PRKCA: variants seen among roughly 807,000 people sequenced by gnomAD.
PRKCA encodes the protein protein kinase C alpha.
In PRKCA, 27 loss-of-function variants were observed where a neutral mutation model predicts 87.0. The ratio of observed to expected loss-of-function variants is 0.31; its 90% confidence interval spans 0.23 to 0.43. The LOEUF (loss-of-function observed/expected upper bound fraction) is 0.43, where lower values mean the gene tolerates loss of function less well. Ranked by LOEUF, PRKCA falls within the 20% of genes least tolerant of loss-of-function variation. PRKCA has a pLI of 1.00. For synonymous variants in PRKCA, 329 were observed against 311.1 expected, an observed-to-expected ratio of 1.06 and a Z score of -0.61; for missense variants, 518 against 852.3, an observed-to-expected ratio of 0.61 and a Z score of 4.88.
chr17:66,643,807 ATCC>A (rs1240762374), intron 4 of PRKCA, among the ~76,000 whole-genome samples: 38 of 152,116 alleles, frequency 2.5e-4, no homozygotes, highest in Non-Finnish European at 2.9e-5. Context: ...TGCAATTGCA[ATCC>A]TAGATAGAGT....
At chr17:66,653,965 C>G (rs1971661515) in intron 5 of PRKCA, among the ~76,000 whole-genome samples, 1 of 152,182 alleles carries the variant, frequency 6.6e-6, no homozygotes, top group Admixed American at 6.5e-5. Flanking sequence ...TTTCATGAAT[C>G]CACTAACATC....
At chr17:66,534,930 G>A (rs1598747883) in intron 3 of PRKCA, among the ~76,000 whole-genome samples, 1 of 152,066 alleles carries the variant, frequency 6.6e-6, no homozygotes, top group Non-Finnish European at 1.5e-5. Context: ...ATTTCAATGG[G>A]ATTAGAGTAT....
intron 16 of PRKCA, among the ~76,000 whole-genome samples, chr17:66,800,402 C>A (rs889935019): frequency 8.5e-5 from 13 of 152,170 alleles, no homozygotes; most frequent in Non-Finnish European, 1.8e-4. Context: ...AGCACGAGCC[C>A]TTAACCAGGA....
intron 3 of PRKCA, among the ~76,000 whole-genome samples, chr17:66,540,253 G>C (rs376352087): frequency 6.6e-6 from 1 of 152,218 alleles, no homozygotes; most frequent in Non-Finnish European, 1.5e-5. Flanking sequence ...CTTTCCAGCC[G>C]TCAGAGCCAG....
chr17:66,517,052 G>A (rs1269878197), intron 3 of PRKCA, among the ~76,000 whole-genome samples: 2 of 152,156 alleles, frequency 1.3e-5, no homozygotes, highest in Admixed American at 6.6e-5. Context: ...TTGGGAAGCC[G>A]AGGCGGGCGG....
rs1598025021 is a variant in PRKCA, at chr17:66,807,059, G to A, written c.*3022G>A. On this transcript the variant is annotated 3_prime_UTR_variant, in exon 17 of 17. Coordinates refer to ENST00000413366, the MANE Select transcript of PRKCA (RefSeq NM_002737.3). This position sits in a 1 kb window ranked among gnomAD's most constrained non-coding sequence, Gnocchi z 4.3. ...CAGAATCAGTTCATAAAATTCTATG[G>A]TACTGGCCCCTTCGTGGGTATTGTG... 6.6e-6 allele frequency: 1 copy of A among 152,360 alleles called. No individual in the cohort carries two copies. The highest frequency in any genetic ancestry group is 2.1e-4 in the South Asian group (1 of 4,830). The allele number at this position is 152,360 out of a possible 1,614,324, so 9.4% of individuals were successfully genotyped here. A position where few individuals can be genotyped will look rare whatever the true frequency, so the allele number is the denominator to read the frequency against.
At chr17:66,731,492 G>T (rs750713834) in intron 8 of PRKCA, among the ~76,000 whole-genome samples, 1 of 152,154 alleles carries the variant, frequency 6.6e-6, no homozygotes, top group African/African-American at 2.4e-5. Flanking sequence ...GCTCCTTCCC[G>T]TCAGGCAGAT....
chr17:66,399,100 C>CTTTTCTTTTTT (rs1555598364), intron 2 of PRKCA, among the ~76,000 whole-genome samples: 1 of 117,288 alleles, frequency 8.5e-6, no homozygotes, highest in Non-Finnish European at 1.8e-5. Context: ...CTTTTCTTTT[C>CTTTTCTTTTTT]TTTTTTTTTT....
Position 66,759,182 on chromosome 17 carries a change from A to G in PRKCA, c.1525-14805A>G, listed in dbSNP as rs534005812. ...ATCCTGGCTAACAAGGTGAAACCCC[A>G]TCTCTAATAAAAATACAAAAAAAAT... On this transcript the variant is annotated intron_variant, in intron 13 of 16. Transcript: ENST00000413366. Among the ~76,000 whole-genome samples, 9 of 151,942 alleles carry G rather than the reference A, an allele frequency of 5.9e-5. No homozygotes were observed. The South Asian group carries it at 6.2e-4, about 11-fold the overall frequency.
At chr17:66,386,862 T>C (rs1167629609) in intron 2 of PRKCA, among the ~76,000 whole-genome samples, 1 of 152,224 alleles carries the variant, frequency 6.6e-6, no homozygotes, top group Admixed American at 6.5e-5. Flanking sequence ...CTCCTACTTA[T>C]CTTTACTCTT....
intron 14 of PRKCA, among the ~76,000 whole-genome samples, chr17:66,782,255 A>C (rs542500068): frequency 1.3e-5 from 2 of 150,986 alleles, no homozygotes; most frequent in Admixed American, 1.3e-4. Flanking sequence ...AATAGTCTCT[A>C]TCTTTGCAAC....
intron 2 of PRKCA, among the ~76,000 whole-genome samples, chr17:66,320,156 T>G (rs1905567876): frequency 6.6e-6 from 1 of 152,182 alleles, no homozygotes. Flanking sequence ...GAAAGGACCG[T>G]AGAGGCTGTC....
intron 2 of PRKCA, among the ~76,000 whole-genome samples, chr17:66,391,230 A>G (rs1910341268): frequency 6.6e-6 from 1 of 152,194 alleles, no homozygotes; most frequent in Non-Finnish European, 1.5e-5. Flanking sequence ...CCACACGTGG[A>G]CAGATTCAGC....
At chr17:66,753,601 C>T (rs1336790239) in intron 13 of PRKCA, among the ~76,000 whole-genome samples, 1 of 152,106 alleles carries the variant, frequency 6.6e-6, no homozygotes, top group Non-Finnish European at 1.5e-5. Context: ...AATTGCATCC[C>T]CACGCCCCCA....
At position 66,409,009 on chromosome 17, in the gene PRKCA, G is replaced by A. The variant is rs192899040; in HGVS notation, c.206-87192G>A. On this transcript the variant is annotated intron_variant, in intron 2 of 16. Coordinates refer to ENST00000413366, the MANE Select transcript of PRKCA (RefSeq NM_002737.3). ...GGAGGTTGCAGTGAGCTGAGATCAC[G>A]TCATCGCACTCCCTCCCCAGTCTCA... Among the ~76,000 whole-genome samples the A allele has an allele frequency of 4.8e-4, 56 of 116,742 alleles. No homozygotes were observed. In the East Asian group the frequency reaches 5.8e-3, roughly 12 times the overall value. 76.6% of individuals were successfully genotyped at this position (116,742 alleles called of 152,430 possible).
chr17:66,532,057 G>A (rs1056746920), intron 3 of PRKCA, among the ~76,000 whole-genome samples: 1 of 152,038 alleles, frequency 6.6e-6, no homozygotes. Flanking sequence ...TTCCACTGCT[G>A]AGCAGATCAG....
chr17:66,513,466 A>G (rs754414011), intron 3 of PRKCA, among the ~76,000 whole-genome samples: 5 of 152,240 alleles, frequency 3.3e-5, no homozygotes, highest in Non-Finnish European at 5.9e-5. Context: ...AATCTTATTT[A>G]ACTAGAATAC....
Position 66,371,878 on chromosome 17 carries a change from T to A in PRKCA, c.205+65751T>A, listed in dbSNP as rs1193844989. On this transcript the variant is annotated intron_variant, in intron 2 of 16. Transcript: ENST00000413366. ...AGGCAAGTCTTCCGAAACTCCCTACTTGATGCCTGGCGTATTATAGGCGTC... is the reference window on the plus strand; with the variant it reads ...AGGCAAGTCTTCCGAAACTCCCTACATGATGCCTGGCGTATTATAGGCGTC... 3.3e-5 allele frequency among the ~76,000 whole-genome samples: 5 copies of A among 152,218 alleles called. No individual in the cohort carries two copies. The East Asian group carries it at 9.6e-4, about 29-fold the overall frequency.
At chr17:66,579,352 A>C (rs1240404795) in intron 3 of PRKCA, among the ~76,000 whole-genome samples, 1 of 152,184 alleles carries the variant, frequency 6.6e-6, no homozygotes, top group Admixed American at 6.5e-5. Flanking sequence ...AAGAGCCTGA[A>C]GAAAGATGTT....
Sources: allele counts gnomAD v4.1 joint callset (sites outside exome capture counted in the v4.1 genomes callset), GRCh38; gene constraint gnomAD v4.1.1; non-coding constraint Gnocchi (gnomAD v3.1); transcripts MANE v1.5; gene names NCBI Gene and HGNC (gene_info 2026-07-23, HGNC 2026-07-21).